CELSR1: variants seen among roughly 807,000 people sequenced by gnomAD.
CELSR1 encodes cadherin EGF LAG seven-pass G-type receptor 1.
CELSR1 carries 110 observed loss-of-function variants against 249.1 expected under a neutral mutation model. That is an observed-to-expected ratio of 0.44 (90% CI 0.38 to 0.52). CELSR1 has a LOEUF of 0.52. Among genes scored for constraint, CELSR1 ranks in the 20% least tolerant of loss-of-function variants. CELSR1 has a pLI of 0.00. For missense variants in CELSR1, 4,109 were observed against 4,296.4 expected (o/e 0.96, Z 1.22); for synonymous variants, 2,113 against 1,900.0 (o/e 1.11, Z -2.92).
intron 5 of CELSR1, among the ~76,000 whole-genome samples, chr22:46,431,828 C>T (rs2147425156): frequency 6.6e-6 from 1 of 152,328 alleles, no homozygotes; most frequent in African/African-American, 2.4e-5. Context: ...GTGAGGGCTA[C>T]CCTCTTCCTC....
chr22:46,466,467 C>T (rs1056277536), intron 1 of CELSR1, among the ~76,000 whole-genome samples: 8 of 152,206 alleles, frequency 5.3e-5, no homozygotes, highest in East Asian at 1.9e-4. Flanking sequence ...GCAGCACTCC[C>T]GTCCAGGGCC....
In CELSR1 at chr22:46,390,891, T is replaced by C. The variant is rs2079082864; in HGVS notation, c.6250+295A>G. On this transcript the variant is annotated intron_variant, in intron 16 of 34. Transcript: ENST00000674500. This position sits in a 1 kb window ranked among gnomAD's most constrained non-coding sequence, Gnocchi z 6.3. Reference sequence around the variant, plus strand: ...TCCCCATTTCACAGAGGTAACCCGATGCTATGAACAGTGAAGCCACTTGTC... The same window carrying C: ...TCCCCATTTCACAGAGGTAACCCGACGCTATGAACAGTGAAGCCACTTGTC... Among the ~76,000 whole-genome samples, 2 of 152,164 alleles carry C rather than the reference T, an allele frequency of 1.3e-5. No individual in the cohort carries two copies. The highest frequency in any genetic ancestry group is 6.5e-5 in the Admixed American group (1 of 15,284).
rs1397302539 is a variant in CELSR1, at chr22:46,534,632, T to C, written c.2539A>G (p.Met847Val). Residue 847 changes from methionine (M) to valine (V), a missense_variant, in exon 1 of 35, where the codon ATG becomes GTG. This residue lies in a region of CELSR1 where 886 missense variants were observed against 896.5 expected (regional missense o/e 0.99). Transcript: ENST00000674500. This position sits in a 1 kb window ranked among gnomAD's most constrained non-coding sequence, Gnocchi z 9.7. ...TGGTTCTCATAGTCCAGCTCCATCA[T>C]GGTGTACATGGTGCCACTGTCGGGG... Reference protein sequence around the residue: ...IDPDSGTMYTMMELDYENQVA... With the variant: ...IDPDSGTMYTVMELDYENQVA... 6.2e-6 allele frequency: 10 copies of C among 1,613,916 alleles called. No individual in the cohort carries two copies. Among genetic ancestry groups the C allele is most frequent in the South Asian group, 2.2e-5 (2 of 91,086 alleles).
intron 1 of CELSR1, among the ~76,000 whole-genome samples, chr22:46,504,357 C>T (rs940425380): frequency 1.3e-5 from 2 of 151,698 alleles, no homozygotes; most frequent in East Asian, 3.9e-4. Context: ...ACTAAAAACA[C>T]AAAAAAATTA....
chr22:46,526,579 AG>A lies in CELSR1; in HGVS notation c.3544+7047del, dbSNP rs1168884931. Among the ~76,000 whole-genome samples the A allele has an allele frequency of 6.6e-6, 1 of 152,116 alleles. No homozygotes were observed. The highest frequency in any genetic ancestry group is 1.5e-5 in the Non-Finnish European group (1 of 68,026). On this transcript the variant is annotated intron_variant, in intron 1 of 34. Coordinates refer to ENST00000674500, the MANE Select transcript of CELSR1 (RefSeq NM_001378328.1). This position sits in a 1 kb window ranked among gnomAD's most constrained non-coding sequence, Gnocchi z 4.7. ...GCTAACCCATCACATCTCTGTCCCC[AG>A]GCTCTCCAACCGCCAGACGGCATCC...
chr22:46,397,835 C>G lies in CELSR1; in HGVS notation c.5540G>C (p.Gly1847Ala). ...GGTGGCGACGTTGGTGGGCGTCCCC[C>G]CCATCCTCACTCCCTGCATTAAGTA... The part of the protein sequence containing the change: ...FRGCMQGVRM[G>A]GTPTNVATLN... The change falls in exon 12 of 35, where the codon GGG (glycine) becomes GCG (alanine). Residue 1847 changes from glycine (G) to alanine (A), a missense_variant. By Grantham distance (60) the Gly-to-Ala change is moderately conservative. Coordinates refer to ENST00000674500, the MANE Select transcript of CELSR1 (RefSeq NM_001378328.1). 1.3e-6 allele frequency: 2 copies of G among 1,576,234 alleles called. No homozygotes were observed. The highest frequency in any genetic ancestry group is 1.7e-4 in the Middle Eastern group (1 of 5,902).
In CELSR1 at chr22:46,500,584, G is replaced by A. The variant is rs2080456532; in HGVS notation, c.3544+33043C>T. Among the ~76,000 whole-genome samples the A allele has an allele frequency of 6.6e-6, 1 of 152,212 alleles. No individual in the cohort carries two copies. Among genetic ancestry groups the A allele is most frequent in the South Asian group, 2.1e-4 (1 of 4,830 alleles). On this transcript the variant is annotated intron_variant, in intron 1 of 34. Coordinates refer to ENST00000674500, the MANE Select transcript of CELSR1 (RefSeq NM_001378328.1). This position sits in a 1 kb window ranked among gnomAD's most constrained non-coding sequence, Gnocchi z 4.9. The stretch of plus-strand genomic sequence containing the variant: ...TCAATGACACCCATAACTTGTCACA[G>A]AAGAACAGAGGCCCGAGCTAGCCCA...
chr22:46,466,272 G>A (rs996630085), intron 1 of CELSR1, among the ~76,000 whole-genome samples: 6 of 152,322 alleles, frequency 3.9e-5, no homozygotes, highest in African/African-American at 9.6e-5. Context: ...CTCCCACTCC[G>A]AAGGGGGCCT....
chr22:46,456,114 ATAAT>A (rs2079946054), intron 2 of CELSR1, among the ~76,000 whole-genome samples: 1 of 152,258 alleles, frequency 6.6e-6, no homozygotes, highest in Non-Finnish European at 1.5e-5. Flanking sequence ...ATTTTGAATG[ATAAT>A]TAACGCTCAA....
At position 46,459,279 on chromosome 22, in the gene CELSR1, T is replaced by C. The variant is rs563352526; in HGVS notation, c.4183+4428A>G. Among the ~76,000 whole-genome samples, 5 of 152,240 alleles carry C rather than the reference T, an allele frequency of 3.3e-5. No homozygotes were observed. In the East Asian group the frequency reaches 9.7e-4, roughly 29 times the overall value. On this transcript the variant is annotated intron_variant, in intron 2 of 34. Coordinates refer to ENST00000674500, the MANE Select transcript of CELSR1 (RefSeq NM_001378328.1). ...AGCACCAGGATTCAAAACCGAGTCC[T>C]AAGGCCAGTCCTGATTTAATGAGGT...
intron 1 of CELSR1, among the ~76,000 whole-genome samples, chr22:46,523,698 G>A (rs1215943682): frequency 1.3e-5 from 2 of 152,048 alleles, no homozygotes; most frequent in Non-Finnish European, 2.9e-5. Flanking sequence ...CCCTCAACAG[G>A]TGCGTCAGCC....
Position 46,534,075 on chromosome 22 carries a change from G to A in CELSR1, c.3096C>T (p.Ala1032=), listed in dbSNP as rs1283592784. Residue 1032 remains alanine, a synonymous_variant, in exon 1 of 35, where the codon GCC becomes GCT. Transcript: ENST00000674500. The surrounding 1 kb of genome is among the most constrained non-coding windows in gnomAD (Gnocchi z 9.7). ...RANDPDEGPN[A]QIMYQIVEGD... is the part of the protein sequence containing the mutation. The stretch of plus-strand genomic sequence containing the variant: ...CTTCCACAATCTGATACATGATCTG[G>A]GCATTAGGGCCTTCATCAGGGTCGT... The A allele has an allele frequency of 1.9e-6, 3 of 1,613,604 alleles. No individual in the cohort carries two copies. The highest frequency in any genetic ancestry group is 1.7e-6 in the Non-Finnish European group (2 of 1,180,046).
chr22:46,391,649 G>C lies in CELSR1; in HGVS notation c.6132C>G (p.Thr2044=). The C allele has an allele frequency of 2.5e-6, 4 of 1,604,056 alleles. No individual in the cohort carries two copies. Among genetic ancestry groups the C allele is most frequent in the Non-Finnish European group, 3.4e-6 (4 of 1,177,516 alleles). ...NRCDNPFAEV[T]TLGCEVIYNG... ...AACGCGGACCTTCACAGCCGAGCGT[G>C]GTGACCTCGGCAAACGGGTTGTCGC... Residue 2044 remains threonine (T), a synonymous_variant, in exon 15 of 35, where the codon ACC becomes ACG. Coordinates refer to ENST00000674500, the MANE Select transcript of CELSR1 (RefSeq NM_001378328.1). This position sits in a 1 kb window ranked among gnomAD's most constrained non-coding sequence, Gnocchi z 4.3.
At chr22:46,499,749 T>C (rs2080448246) in intron 1 of CELSR1, among the ~76,000 whole-genome samples, 1 of 152,116 alleles carries the variant, frequency 6.6e-6, no homozygotes, top group Non-Finnish European at 1.5e-5. Context: ...CCCCCACCCT[T>C]GGGACACCAT....
At chr22:46,482,878 G>C (rs945455739) in intron 1 of CELSR1, among the ~76,000 whole-genome samples, 12 of 152,180 alleles carry the variant, frequency 7.9e-5, no homozygotes, top group Non-Finnish European at 1.8e-4. Flanking sequence ...CTGTAGACAA[G>C]GGAGTGCTGG....
In CELSR1 at chr22:46,365,580, C is replaced by T. The variant is rs1253510434; in HGVS notation, c.8404+6G>A. 2 of 1,583,530 alleles carry T rather than the reference C, an allele frequency of 1.3e-6. No individual in the cohort carries two copies. Among genetic ancestry groups the T allele is most frequent in the Non-Finnish European group, 8.6e-7 (1 of 1,164,928 alleles). ...ACGGGGTCCTCCCCCTCCAGGGAAG[C>T]CATACCAGGGGGATCCTTGCAGCTC... On this transcript the variant is annotated splice_donor_region_variant and intron_variant, in intron 31 of 34. Coordinates refer to ENST00000674500, the MANE Select transcript of CELSR1 (RefSeq NM_001378328.1).
chr22:46,531,284 C>G (rs1383432642), intron 1 of CELSR1, among the ~76,000 whole-genome samples: 1 of 152,076 alleles, frequency 6.6e-6, no homozygotes, highest in East Asian at 1.9e-4. Flanking sequence ...CGGCTCACTG[C>G]AACCTCCGCC....
rs754904174 is a variant in CELSR1 at position 46,364,753 on chromosome 22, G to A, written c.8555-17C>T. Reference sequence around the variant, plus strand: ...CAGCGTCCCCTGAGGCACGAGAGCGGTGCTCAGCAGGCAGCGGCACTGCCA... The same window carrying A: ...CAGCGTCCCCTGAGGCACGAGAGCGATGCTCAGCAGGCAGCGGCACTGCCA... On this transcript the variant is annotated splice_polypyrimidine_tract_variant and intron_variant, in intron 32 of 34. Transcript: ENST00000674500. The A allele has an allele frequency of 1.9e-6, 3 of 1,605,580 alleles. No homozygotes were observed. Among genetic ancestry groups the A allele is most frequent in the Non-Finnish European group, 2.5e-6 (3 of 1,176,508 alleles).
At chr22:46,416,537 C>T (rs552908847) in intron 5 of CELSR1, among the ~76,000 whole-genome samples, 6 of 152,222 alleles carry the variant, frequency 3.9e-5, no homozygotes, top group Non-Finnish European at 5.9e-5. Flanking sequence ...CACGGTACCT[C>T]TACACCCCTC....
Sources: allele counts gnomAD v4.1 joint callset (sites outside exome capture counted in the v4.1 genomes callset), GRCh38; gene constraint gnomAD v4.1.1; regional missense constraint gnomAD v4.1.1; non-coding constraint Gnocchi (gnomAD v3.1); transcripts MANE v1.5; gene names NCBI Gene and HGNC (gene_info 2026-07-23, HGNC 2026-07-21).